Variants in AFAP1L1 observed in about 807,000 individuals in gnomAD.
AFAP1L1 encodes actin filament associated protein 1 like 1.
Under a neutral mutation model 99.8 loss-of-function variants are expected in AFAP1L1, and 77 were observed. The ratio of observed to expected loss-of-function variants is 0.77; its 90% CI spans 0.64 to 0.93. AFAP1L1 has a LOEUF of 0.93. Among genes scored for constraint, AFAP1L1 ranks in the 40% least tolerant of loss-of-function variants. The pLI, the probability that AFAP1L1 is intolerant of heterozygous loss-of-function variation, is 0.00. For missense variants in AFAP1L1, 893 were observed against 996.8 expected, an observed-to-expected ratio of 0.90 and a Z score of 1.40; for synonymous variants, 373 against 395.3, an observed-to-expected ratio of 0.94 and a Z score of 0.67.
Position 149,320,946 on chromosome 5 carries a change from G to A in AFAP1L1, c.1698+483G>A, listed in dbSNP as rs558867399. ...ATACCAGCTTACTGATTTACAGTGA[G>A]GCCTGTGTAGCCATCACATGACCTG... On this transcript the variant is annotated intron_variant, in intron 14 of 18. Coordinates refer to ENST00000296721, the MANE Select transcript of AFAP1L1 (RefSeq NM_152406.4). This position sits in a 1 kb window ranked among gnomAD's most constrained non-coding sequence, Gnocchi z 4.0. 6.6e-6 allele frequency among the ~76,000 whole-genome samples: 1 copy of A among 152,348 alleles called. No homozygotes were observed. Among genetic ancestry groups the A allele is most frequent in the African/African-American group, 2.4e-5 (1 of 41,572 alleles).
chr5:149,272,124 C>A (rs975093723), intron 1 of AFAP1L1, 140 bp downstream of exon 1: 4 of 937,096 alleles, frequency 4.3e-6, no homozygotes, highest in African/African-American at 3.4e-5. Context: ...GACTGGGAGA[C>A]GCGGCGCTTA....
At chr5:149,299,289 T>C (rs1756111758) in intron 1 of AFAP1L1, among the ~76,000 whole-genome samples, 1 of 152,008 alleles carries the variant, frequency 6.6e-6, no homozygotes, top group African/African-American at 2.4e-5. Flanking sequence ...TGAGGTAGAG[T>C]GGGGAGACCC....
At chr5:149,283,329 C>T (rs1755576950) in intron 1 of AFAP1L1, among the ~76,000 whole-genome samples, 1 of 152,178 alleles carries the variant, frequency 6.6e-6, no homozygotes, top group African/African-American at 2.4e-5. Context: ...ACCTGGAGCC[C>T]ACCTAGGTTC....
At chr5:149,300,573 G>T (rs1756169561) in intron 3 of AFAP1L1, among the ~76,000 whole-genome samples, 2 of 152,256 alleles carry the variant, frequency 1.3e-5, no homozygotes, top group South Asian at 4.1e-4. Context: ...TGGTAGGGAT[G>T]ACCATGCAGT....
chr5:149,318,697 C>CGT (rs1448823927), intron 12 of AFAP1L1, among the ~76,000 whole-genome samples: 1 of 152,198 alleles, frequency 6.6e-6, no homozygotes, highest in Non-Finnish European at 1.5e-5. Context: ...ATGCAGAATA[C>CGT]GTGGACTCTC....
intron 18 of AFAP1L1, among the ~76,000 whole-genome samples, chr5:149,336,607 G>A (rs1282611056): frequency 6.6e-6 from 1 of 152,222 alleles, no homozygotes; most frequent in Non-Finnish European, 1.5e-5. Flanking sequence ...CAGTCTGGAG[G>A]CGGCCCAGGG....
rs539002054 is a variant in AFAP1L1 at position 149,275,753 on chromosome 5, G to A, written c.16+3769G>A. Among the ~76,000 whole-genome samples, 10 of 152,152 alleles carry A rather than the reference G, an allele frequency of 6.6e-5. No individual in the cohort carries two copies. The South Asian group carries it at 1.0e-3, about 16-fold the overall frequency. On this transcript the variant is annotated intron_variant, in intron 1 of 18. Coordinates refer to ENST00000296721, the MANE Select transcript of AFAP1L1 (RefSeq NM_152406.4). Reference sequence around the variant, plus strand: ...CATCTCCTGACCTCGTGATCCACCCGCCTCAGCCTCCCAAAGTGCTGGGAT... The same window carrying A: ...CATCTCCTGACCTCGTGATCCACCCACCTCAGCCTCCCAAAGTGCTGGGAT...
At chr5:149,301,552 C>T (rs976036776) in intron 4 of AFAP1L1, among the ~76,000 whole-genome samples, 7 of 152,248 alleles carry the variant, frequency 4.6e-5, no homozygotes, top group African/African-American at 1.7e-4. Flanking sequence ...ACGTCACCAG[C>T]CCAACTTCCG....
chr5:149,325,566 A>G (rs1757072474), intron 15 of AFAP1L1, among the ~76,000 whole-genome samples: 1 of 152,214 alleles, frequency 6.6e-6, no homozygotes, highest in Non-Finnish European at 1.5e-5. Context: ...CAGAGGTTCC[A>G]TGCTGGGAGA....
chr5:149,316,082 C>T (rs1271319561), intron 10 of AFAP1L1, 69 bp from the exon 11 acceptor site: 11 of 1,590,328 alleles, frequency 6.9e-6, no homozygotes, highest in South Asian at 2.3e-5. Flanking sequence ...GCTGAAAAGG[C>T]CACAAGGAAG....
intron 1 of AFAP1L1, among the ~76,000 whole-genome samples, chr5:149,285,158 C>G (rs1340367745): frequency 6.6e-6 from 1 of 152,104 alleles, no homozygotes; most frequent in African/African-American, 2.4e-5. Flanking sequence ...GGCCCAGAAC[C>G]AAATCCAGGT....
chr5:149,296,764 TAATA>T (rs1756031731), intron 1 of AFAP1L1, among the ~76,000 whole-genome samples: 1 of 152,190 alleles, frequency 6.6e-6, no homozygotes, highest in South Asian at 2.1e-4. Context: ...TAATAAAGAC[TAATA>T]AATAAATACC....
intron 1 of AFAP1L1, among the ~76,000 whole-genome samples, chr5:149,284,129 C>T (rs1474219051): frequency 6.6e-5 from 10 of 152,188 alleles, no homozygotes; most frequent in East Asian, 1.9e-4. Context: ...GAAAGCAAAG[C>T]GGGGCAGCAT....
intron 8 of AFAP1L1, among the ~76,000 whole-genome samples, chr5:149,311,441 C>G (rs1756627363): frequency 6.6e-6 from 1 of 152,230 alleles, no homozygotes; most frequent in Non-Finnish European, 1.5e-5. Context: ...GCTCTGCTGC[C>G]ACCTAACAGG....
In AFAP1L1 at chr5:149,335,227, C is replaced by A. The variant is rs145149587; in HGVS notation, c.2155-367C>A. Among the ~76,000 whole-genome samples the A allele has an allele frequency of 3.2e-3, 483 of 152,334 alleles. 3 individuals carry two copies. The highest frequency in any genetic ancestry group is 4.9e-3 in the Non-Finnish European group (330 of 68,038). On this transcript the variant is annotated intron_variant, in intron 17 of 18. Coordinates refer to ENST00000296721, the MANE Select transcript of AFAP1L1 (RefSeq NM_152406.4). ...ATGCAGCCAGGCACAGTAGCTCACA[C>A]CTGTAATCCCAGCACTTTGGGAGGC...
chr5:149,327,922 TTAATC>T (rs1172343479), intron 15 of AFAP1L1, among the ~76,000 whole-genome samples: 1 of 152,128 alleles, frequency 6.6e-6, no homozygotes, highest in Non-Finnish European at 1.5e-5. Context: ...TTGAAAAACA[TTAATC>T]TATACATCCA....
At chr5:149,290,708 C>G (rs2127591698) in intron 1 of AFAP1L1, among the ~76,000 whole-genome samples, 1 of 151,562 alleles carries the variant, frequency 6.6e-6, no homozygotes, top group East Asian at 2.0e-4. Context: ...GCTGAGGGTA[C>G]TTTTTGTTGC....
At chr5:149,315,975 G>C in intron 10 of AFAP1L1, 61 bp downstream of exon 10, 1 of 1,600,300 alleles carries the variant, frequency 6.2e-7, no homozygotes, top group South Asian at 1.1e-5. Context: ...CTTGCCCATG[G>C]GCACACAGCG....
intron 1 of AFAP1L1, among the ~76,000 whole-genome samples, chr5:149,280,120 G>A (rs374450048): frequency 2.3e-4 from 35 of 152,304 alleles, no homozygotes; most frequent in African/African-American, 8.2e-4. Flanking sequence ...GTTGGATATG[G>A]CCACTTTTAA....
Sources: allele counts gnomAD v4.1 joint callset (sites outside exome capture counted in the v4.1 genomes callset), GRCh38; gene constraint gnomAD v4.1.1; non-coding constraint Gnocchi (gnomAD v3.1); transcripts MANE v1.5; gene names NCBI Gene and HGNC (gene_info 2026-07-23, HGNC 2026-07-21).